CNTLN: variants seen among roughly 807,000 people sequenced by gnomAD.
CNTLN encodes centlein.
A neutral mutation model predicts 180.0 loss-of-function variants in CNTLN; 212 were observed. The ratio of observed to expected loss-of-function variants is 1.18; its 90% CI spans 1.05 to 1.32. CNTLN has a LOEUF of 1.32. Among genes scored for constraint, CNTLN ranks in the 40% most tolerant of loss-of-function variants. CNTLN has a pLI of 0.00. For synonymous variants in CNTLN, 722 were observed against 563.1 expected, an observed-to-expected ratio of 1.28 and a Z score of -3.99; for missense variants, 2,095 against 1,610.9, an observed-to-expected ratio of 1.30 and a Z score of -5.14.
At chr9:17,276,829 T>C (rs962062872) in intron 6 of CNTLN, among the ~76,000 whole-genome samples, 2 of 152,130 alleles carry the variant, frequency 1.3e-5, no homozygotes, top group Admixed American at 6.6e-5. Flanking sequence ...ATAGTTGTTA[T>C]ACTGTATTTT....
chr9:17,402,076 T>G (rs1027152044), intron 15 of CNTLN, among the ~76,000 whole-genome samples: 1 of 151,942 alleles, frequency 6.6e-6, no homozygotes, highest in Admixed American at 6.6e-5. Context: ...AGAGGTGGTA[T>G]GTGGAATGCC....
intron 5 of CNTLN, among the ~76,000 whole-genome samples, chr9:17,272,358 AG>A: frequency 6.6e-6 from 1 of 152,070 alleles, no homozygotes; most frequent in Non-Finnish European, 1.5e-5. Context: ...TACAGGCGTG[AG>A]TCACTGCGCC....
chr9:17,332,786 A>G, intron 10 of CNTLN, 56 bp downstream of exon 10: 1 of 1,425,684 alleles, frequency 7.0e-7, no homozygotes, highest in Non-Finnish European at 9.4e-7. Flanking sequence ...AATATACCAA[A>G]GTAAACATAC....
chr9:17,144,391 A>G (rs1233959652), intron 2 of CNTLN, among the ~76,000 whole-genome samples: 2 of 152,162 alleles, frequency 1.3e-5, no homozygotes, highest in Admixed American at 1.3e-4. Context: ...TTTGAGATGA[A>G]ATGTGATCAC....
At chr9:17,392,302 T>G (rs1212974138) in intron 14 of CNTLN, among the ~76,000 whole-genome samples, 1 of 152,142 alleles carries the variant, frequency 6.6e-6, no homozygotes, top group Non-Finnish European at 1.5e-5. Context: ...CAAATATGTA[T>G]TTAAAAAATA....
At chr9:17,275,974 A>G (rs1828283431) in intron 6 of CNTLN, among the ~76,000 whole-genome samples, 1 of 152,106 alleles carries the variant, frequency 6.6e-6, no homozygotes, top group Non-Finnish European at 1.5e-5. Context: ...GACACTGTGG[A>G]CTACTAGACG....
intron 13 of CNTLN, among the ~76,000 whole-genome samples, chr9:17,384,874 A>G (rs185753978): frequency 4.4e-4 from 67 of 152,180 alleles, no homozygotes; most frequent in African/African-American, 1.3e-3. Flanking sequence ...CTAAACTCCA[A>G]TTGGGCAATT....
intron 1 of CNTLN, among the ~76,000 whole-genome samples, chr9:17,141,846 G>A (rs1283182278): frequency 1.3e-5 from 2 of 152,090 alleles, no homozygotes; most frequent in East Asian, 3.9e-4. Context: ...CACTTTGGGA[G>A]GCCGAGGCAG....
At chr9:17,514,415 A>T in the CNTLN span, among the ~76,000 whole-genome samples, 74 of 152,312 alleles carry the variant, frequency 4.9e-4, no homozygotes, top group South Asian at 0.015. Context: ...GGACCAGATG[A>T]CTTTATCATT....
intron 23 of CNTLN, among the ~76,000 whole-genome samples, chr9:17,482,106 G>A (rs1021849400): frequency 4.6e-5 from 7 of 152,114 alleles, no homozygotes; most frequent in Admixed American, 3.9e-4. Context: ...CTAAGTAAAT[G>A]AATATATAGA....
At chr9:17,445,750 G>A (rs1460249292) in intron 18 of CNTLN, among the ~76,000 whole-genome samples, 1 of 152,068 alleles carries the variant, frequency 6.6e-6, no homozygotes, top group East Asian at 1.9e-4. Flanking sequence ...GGAAGGGAAA[G>A]ACCTGACCAT....
chr9:17,199,799 T>C (rs1300047450), intron 2 of CNTLN, among the ~76,000 whole-genome samples: 3 of 152,112 alleles, frequency 2.0e-5, no homozygotes, highest in Non-Finnish European at 4.4e-5. Context: ...TGCCTGTTCA[T>C]TCTGATGATA....
intron 9 of CNTLN, among the ~76,000 whole-genome samples, chr9:17,331,889 T>A (rs1279607073): frequency 1.3e-5 from 2 of 151,970 alleles, no homozygotes; most frequent in Non-Finnish European, 2.9e-5. Context: ...AATTTAAAAA[T>A]GTATGACTTT....
At chr9:17,222,902 A>T (rs1289345441) in intron 2 of CNTLN, among the ~76,000 whole-genome samples, 1 of 151,984 alleles carries the variant, frequency 6.6e-6, no homozygotes, top group Non-Finnish European at 1.5e-5. Context: ...ATGTTCCAGG[A>T]CTGAATCCTC....
chr9:17,520,070 A>G, the CNTLN span, among the ~76,000 whole-genome samples: 6 of 152,356 alleles, frequency 3.9e-5, no homozygotes, highest in South Asian at 8.3e-4. Flanking sequence ...CCTTACCCTC[A>G]TTCAAATATT....
intron 18 of CNTLN, among the ~76,000 whole-genome samples, chr9:17,436,017 A>G (rs776075575): frequency 1.3e-5 from 2 of 152,006 alleles, no homozygotes; most frequent in Non-Finnish European, 2.9e-5. Flanking sequence ...AAATAAATGT[A>G]TTTCCTTATT....
rs190441567 is a variant in CNTLN at position 17,480,244 on chromosome 9, T to G, written c.3856-4051T>G. ...AAAAATCAACAAACATTACAAGTCA[T>G]GCTCTTCCCCCAACATCCAAAGAAC... On this transcript the variant is annotated intron_variant, in intron 23 of 25. Coordinates refer to ENST00000380647, the MANE Select transcript of CNTLN (RefSeq NM_017738.4). 7.9e-5 allele frequency among the ~76,000 whole-genome samples: 12 copies of G among 152,120 alleles called. No homozygotes were observed. In the East Asian group the frequency reaches 2.3e-3, roughly 29 times the overall value.
At chr9:17,504,937 C>T (rs1833905338), downstream of CNTLN, among the ~76,000 whole-genome samples, 1 of 152,070 alleles carries the variant, frequency 6.6e-6, no homozygotes, top group Admixed American at 6.6e-5. Flanking sequence ...TACTTTGTGA[C>T]TGCAACAATA....
intron 12 of CNTLN, among the ~76,000 whole-genome samples, chr9:17,364,474 G>A (rs896119080): frequency 6.6e-6 from 1 of 151,412 alleles, no homozygotes; most frequent in Non-Finnish European, 1.5e-5. Context: ...GATTATTTTT[G>A]TCTATTTTCT....
Sources: allele counts gnomAD v4.1 joint callset (sites outside exome capture counted in the v4.1 genomes callset), GRCh38; gene constraint gnomAD v4.1.1; transcripts MANE v1.5; gene names NCBI Gene and HGNC (gene_info 2026-07-23, HGNC 2026-07-21).